The following KSR2 variants were observed in gnomAD, a reference collection of about 807,000 sequenced individuals.
The protein encoded by KSR2 is kinase suppressor of ras 2.
KSR2 carries 25 observed loss-of-function variants against 107.8 expected under a neutral mutation model. That is an observed-to-expected ratio of 0.23 (90% CI 0.17 to 0.32). The LOEUF (loss-of-function observed/expected upper bound fraction) is 0.32, where lower values mean the gene tolerates loss of function less well. Among genes scored for constraint, KSR2 ranks in the 10% least tolerant of loss-of-function variants. The pLI, the probability that KSR2 is intolerant of heterozygous loss-of-function variation, is 1.00. For synonymous variants in KSR2, 480 were observed against 507.0 expected (o/e 0.95, Z 0.71); for missense variants, 887 against 1,268.9 (o/e 0.70, Z 4.57).
At chr12:117,472,490 A>G (rs967458388) in intron 17 of KSR2, among the ~76,000 whole-genome samples, 39 of 152,204 alleles carry the variant, frequency 2.6e-4, no homozygotes, top group African/African-American at 9.2e-4. Flanking sequence ...AATATCTGAA[A>G]CAATCCTAGA....
chr12:117,473,233 G>A (rs1341773157), intron 17 of KSR2, among the ~76,000 whole-genome samples: 2 of 152,118 alleles, frequency 1.3e-5, no homozygotes, highest in South Asian at 2.1e-4. Flanking sequence ...GGTGTGGCAC[G>A]CCCCCTCTGG....
At chr12:117,617,826 T>C (rs1565928372) in intron 5 of KSR2, among the ~76,000 whole-genome samples, 1 of 152,202 alleles carries the variant, frequency 6.6e-6, no homozygotes, top group Non-Finnish European at 1.5e-5. Context: ...TATAATTTAC[T>C]ATACCTCAAT....
intron 3 of KSR2, among the ~76,000 whole-genome samples, chr12:117,787,370 C>T (rs998898954): frequency 2.0e-5 from 3 of 152,152 alleles, no homozygotes; most frequent in African/African-American, 7.2e-5. Context: ...CAGTGGCCCA[C>T]ATCTGTAATC....
chr12:117,960,470 T>G (rs1240500042), intron 1 of KSR2, among the ~76,000 whole-genome samples: 1 of 152,122 alleles, frequency 6.6e-6, no homozygotes, highest in African/African-American at 2.4e-5. Flanking sequence ...GCTGCCACCA[T>G]GTAAGAAACC....
intron 5 of KSR2, among the ~76,000 whole-genome samples, chr12:117,634,689 G>A (rs1287393625): frequency 6.6e-6 from 1 of 152,168 alleles, no homozygotes; most frequent in Non-Finnish European, 1.5e-5. Context: ...CATCAGACAA[G>A]CCCTGTTCAG....
intron 4 of KSR2, among the ~76,000 whole-genome samples, chr12:117,751,258 G>A (rs1029704907): frequency 6.6e-6 from 1 of 152,126 alleles, no homozygotes; most frequent in South Asian, 2.1e-4. Context: ...GTTTCCTGAG[G>A]CTTCCCCAGC....
chr12:117,800,561 C>T (rs1890796869), intron 3 of KSR2, among the ~76,000 whole-genome samples: 1 of 152,118 alleles, frequency 6.6e-6, no homozygotes, highest in Non-Finnish European at 1.5e-5. Context: ...ATCCCTGAGA[C>T]TGGGTGATTT....
At chr12:117,891,529 G>A (rs1233881624) in intron 1 of KSR2, among the ~76,000 whole-genome samples, 1 of 152,050 alleles carries the variant, frequency 6.6e-6, no homozygotes, top group Non-Finnish European at 1.5e-5. Flanking sequence ...TTTTAGCCCA[G>A]GAATTCAAGA....
intron 1 of KSR2, among the ~76,000 whole-genome samples, chr12:117,935,781 A>G (rs538896940): frequency 6.0e-4 from 92 of 152,132 alleles, no homozygotes; most frequent in South Asian, 1.0e-3. Flanking sequence ...TAATAAATAA[A>G]GGCTCTCATG....
chr12:117,590,485 G>T (rs1214349224), intron 5 of KSR2, among the ~76,000 whole-genome samples: 6 of 152,162 alleles, frequency 3.9e-5, no homozygotes, highest in Non-Finnish European at 7.3e-5. Context: ...TCATAAGATT[G>T]GTAGGAGGAT....
At chr12:117,558,001 C>T (rs1469938101) in intron 8 of KSR2, among the ~76,000 whole-genome samples, 1 of 152,212 alleles carries the variant, frequency 6.6e-6, no homozygotes, top group African/African-American at 2.4e-5. Context: ...AGGGCTGCTA[C>T]TTCCCTATGT....
intron 1 of KSR2, among the ~76,000 whole-genome samples, chr12:117,953,346 A>G (rs930387373): frequency 1.3e-5 from 2 of 152,208 alleles, no homozygotes; most frequent in Admixed American, 1.3e-4. Flanking sequence ...AAAGAATTGA[A>G]AACAAGAACT....
chr12:117,754,184 G>A (rs1888707803), intron 4 of KSR2, among the ~76,000 whole-genome samples: 1 of 152,148 alleles, frequency 6.6e-6, no homozygotes, highest in Non-Finnish European at 1.5e-5. Context: ...CAGTGGAGAT[G>A]ACAGACATGC....
chr12:117,722,038 A>C (rs1016667717), intron 4 of KSR2, among the ~76,000 whole-genome samples: 1 of 151,858 alleles, frequency 6.6e-6, no homozygotes, highest in African/African-American at 2.4e-5. Flanking sequence ...AATTCCATTT[A>C]ATTTTATTTT....
chr12:117,751,775 G>T lies in KSR2; in HGVS notation c.986+9236C>A, dbSNP rs78621461. ...TAGGGGGCAAAAAAGAATGGCCCCT[G>T]AGGATCCACAGAAGAGATGCCCAAT... On this transcript the variant is annotated intron_variant, in intron 4 of 19. Coordinates refer to ENST00000339824, the MANE Select transcript of KSR2 (RefSeq NM_173598.6). 2.5e-3 allele frequency among the ~76,000 whole-genome samples: 382 copies of T among 152,254 alleles called. 11 individuals carry two copies. In the East Asian group the frequency reaches 0.046, roughly 18 times the overall value.
intron 5 of KSR2, among the ~76,000 whole-genome samples, chr12:117,648,020 T>C (rs1228834677): frequency 2.6e-5 from 4 of 152,158 alleles, no homozygotes; most frequent in African/African-American, 9.7e-5. Flanking sequence ...AACCCTGTCT[T>C]TTTAAAGACA....
At chr12:117,481,575 T>C (rs1412200805) in intron 16 of KSR2, among the ~76,000 whole-genome samples, 1 of 152,224 alleles carries the variant, frequency 6.6e-6, no homozygotes, top group Non-Finnish European at 1.5e-5. Flanking sequence ...CCTCCAGAAC[T>C]GTAAGAAAAT....
intron 1 of KSR2, among the ~76,000 whole-genome samples, chr12:117,912,069 A>C (rs916254188): frequency 1.3e-5 from 2 of 152,222 alleles, no homozygotes; most frequent in African/African-American, 4.8e-5. Flanking sequence ...TGGCATTTAA[A>C]AAATTTTGTT....
intron 1 of KSR2, among the ~76,000 whole-genome samples, chr12:117,875,291 G>T (rs1319387007): frequency 6.6e-6 from 1 of 151,134 alleles, no homozygotes; most frequent in Non-Finnish European, 1.5e-5. Flanking sequence ...CGTCCTGGCC[G>T]TTGGGTTTGA....
Sources: allele counts gnomAD v4.1 joint callset (sites outside exome capture counted in the v4.1 genomes callset), GRCh38; gene constraint gnomAD v4.1.1; transcripts MANE v1.5; gene names NCBI Gene and HGNC (gene_info 2026-07-23, HGNC 2026-07-21).